NDUFS7: variants seen among roughly 807,000 people sequenced by gnomAD.
NDUFS7 encodes NADH dehydrogenase [ubiquinone] iron-sulfur protein 7, mitochondrial.
A neutral mutation model predicts 31.1 loss-of-function variants in NDUFS7; 11 were observed. The observed-to-expected ratio is 0.35, with a 90% CI of 0.22 to 0.59. The LOEUF is 0.59. NDUFS7 is among the 20% of genes least tolerant of loss of function. NDUFS7 has a pLI of 0.79. For missense variants in NDUFS7, 263 were observed against 324.2 expected (o/e 0.81, Z 1.45); for synonymous variants, 136 against 127.9 (o/e 1.06, Z -0.43).
intron 4 of NDUFS7, chr19:1,389,208 T>C (rs761898856): frequency 4.7e-5 from 32 of 682,254 alleles, no homozygotes; most frequent in South Asian, 2.4e-4. Context: ...CACACACGCT[T>C]GCACACATAC....
At chr19:1,386,210 C>T (rs2082506453) in intron 1 of NDUFS7, among the ~76,000 whole-genome samples, 2 of 152,210 alleles carry the variant, frequency 1.3e-5, no homozygotes, top group South Asian at 4.1e-4. Context: ...GGAGGCTGCC[C>T]ACAGCCTCTC....
chr19:1,384,504 T>G (rs1026725967), intron 1 of NDUFS7, among the ~76,000 whole-genome samples: 1 of 152,216 alleles, frequency 6.6e-6, no homozygotes, highest in Non-Finnish European at 1.5e-5. Context: ...TCAGATAAAG[T>G]TATTAAATGC....
Position 1,393,137 on chromosome 19 carries a change from G to A in NDUFS7, c.456-105G>A. 1 of 864,146 alleles carries A rather than the reference G, an allele frequency of 1.2e-6. No individual in the cohort carries two copies. Among genetic ancestry groups the A allele is most frequent in the Non-Finnish European group, 1.9e-6 (1 of 536,304 alleles). The allele number at this position is 864,146 out of a possible 1,614,324, so 53.5% of individuals were successfully genotyped here. A position where few individuals can be genotyped will look rare whatever the true frequency, so the allele number is the denominator to read the frequency against. ...CGTGACAAGTTCCAGCCTCGTAGGT[G>A]CCTGGCCTGCAGTTGAAGGCGGGTG... On this transcript the variant is annotated intron_variant, in intron 6 of 7. Transcript: ENST00000233627. This position sits in a 1 kb window ranked among gnomAD's most constrained non-coding sequence, Gnocchi z 7.3.
At position 1,388,020 on chromosome 19, in the gene NDUFS7, C is replaced by G. The variant is rs2082521404; in HGVS notation, c.53+173C>G. Reference sequence around the variant, plus strand: ...TGCCCGTGATGTGCCGGGACCCTCCCTGGGACAGTCCACGCAGTGGCAAAG... The same window carrying G: ...TGCCCGTGATGTGCCGGGACCCTCCGTGGGACAGTCCACGCAGTGGCAAAG... On this transcript the variant is annotated intron_variant, in intron 2 of 7. Transcript: ENST00000233627. The G allele has an allele frequency of 8.5e-6, 6 of 706,860 alleles. No homozygotes were observed. The South Asian group carries it at 9.9e-5, about 12-fold the overall frequency. The allele number at this position is 706,860 out of a possible 1,614,324, so 43.8% of individuals were successfully genotyped here.
chr19:1,389,223 A>T (rs1168791803), intron 4 of NDUFS7: 2 of 670,000 alleles, frequency 3.0e-6, no homozygotes, highest in Non-Finnish European at 5.5e-6. Context: ...ACATACACAC[A>T]TGCACACTTG....
Position 1,387,907 on chromosome 19 carries a change from G to A in NDUFS7, c.53+60G>A, listed in dbSNP as rs1442772637. The A allele has an allele frequency of 8.9e-6, 4 of 447,652 alleles. No individual in the cohort carries two copies. The East Asian group carries it at 1.7e-4, about 19-fold the overall frequency. 27.7% of individuals were successfully genotyped at this position (447,652 alleles called of 1,614,324 possible). On this transcript the variant is annotated intron_variant, in intron 2 of 7. Transcript: ENST00000233627. ...GGGCCTTCAGCAGCGACAGACGAAC[G>A]GGGCGGGGGGGGTGGGGGGTGGGGG... is the stretch of plus-strand genomic sequence containing the variant.
rs1469867858 is a variant in NDUFS7, at chr19:1,394,445, C to T, written c.545-946C>T. Reference sequence around the variant, plus strand: ...TGAGCTCCTCCCTCCCTGGGGACCGCGCTCCTCCCTCCCTGCGGACTGTGC... The same window carrying T: ...TGAGCTCCTCCCTCCCTGGGGACCGTGCTCCTCCCTCCCTGCGGACTGTGC... On this transcript the variant is annotated intron_variant, in intron 7 of 7. Coordinates refer to ENST00000233627, the MANE Select transcript of NDUFS7 (RefSeq NM_024407.5). 13 of 1,274,774 alleles carry T rather than the reference C, an allele frequency of 1.0e-5. No individual in the cohort carries two copies. In the East Asian group the frequency reaches 1.7e-4, roughly 17 times the overall value. 79.0% of individuals were successfully genotyped at this position (1,274,774 alleles called of 1,614,324 possible). A position where few individuals can be genotyped will look rare whatever the true frequency, so the allele number is the denominator to read the frequency against.
At chr19:1,385,396 C>A (rs1335849053) in intron 1 of NDUFS7, among the ~76,000 whole-genome samples, 1 of 151,714 alleles carries the variant, frequency 6.6e-6, no homozygotes, top group African/African-American at 2.4e-5. Flanking sequence ...TGCCTGTAAT[C>A]GCAGCTACTG....
intron 7 of NDUFS7, chr19:1,394,794 C>A (rs1229459329): frequency 8.5e-7 from 1 of 1,176,660 alleles, no homozygotes; most frequent in African/African-American, 1.6e-5. Flanking sequence ...GTGGCCTTGT[C>A]CTTTCTCACC....
intron 4 of NDUFS7, 120 bp from the exon 5 acceptor site, chr19:1,390,751 A>G: frequency 1.7e-6 from 2 of 1,177,810 alleles, no homozygotes; most frequent in Non-Finnish European, 2.4e-6. Flanking sequence ...TGTGCCTCTC[A>G]CCTCTGCCGG....
rs1350428435 is a variant in NDUFS7, at chr19:1,390,986, G to A, written c.344G>A (p.Arg115His). Residue 115 changes from arginine (R) to histidine (H), a missense_variant, in exon 5 of 8, where the codon CGC becomes CAC. By Grantham distance (29) the Arg-to-His change is conservative. Coordinates refer to ENST00000233627, the MANE Select transcript of NDUFS7 (RefSeq NM_024407.5). ...RFGVVFRASP[R>H]QSDVMIVAGT... ...GGCGTGGTCTTCCGCGCCAGCCCGC[G>A]CCAGTCCGACGTCATGATCGTGGCC... 10 of 1,612,996 alleles carry A rather than the reference G, an allele frequency of 6.2e-6. No individual in the cohort carries two copies. The highest frequency in any genetic ancestry group is 5.9e-6 in the Non-Finnish European group (7 of 1,179,900).
Position 1,393,943 on chromosome 19 carries a change from C to T in NDUFS7, c.544+613C>T. ...TTATATCTGGTGATCCCGTGGGACTCTTGCACCTCACGTGGTCCCACGAGG... is the reference window on the plus strand; with the variant it reads ...TTATATCTGGTGATCCCGTGGGACTTTTGCACCTCACGTGGTCCCACGAGG... On this transcript the variant is annotated intron_variant, in intron 7 of 7. Transcript: ENST00000233627. This position sits in a 1 kb window ranked among gnomAD's most constrained non-coding sequence, Gnocchi z 7.3. The T allele has an allele frequency of 4.1e-6, 1 of 241,714 alleles. No individual in the cohort carries two copies. Among genetic ancestry groups the T allele is most frequent in the Non-Finnish European group, 8.2e-6 (1 of 121,302 alleles). 15.0% of individuals were successfully genotyped at this position (241,714 alleles called of 1,614,324 possible).
rs573586959 is a variant in NDUFS7, at chr19:1,395,504, C to T, written c.*16C>T. On this transcript the variant is annotated 3_prime_UTR_variant, in exon 8 of 8. Transcript: ENST00000233627. ...CCGCAGGTAGCGCCGCCGCCGCCGC[C>T]GCCGGAGCCTGTCGCCGTCCTGTCC... 205 of 1,563,156 alleles carry T rather than the reference C, an allele frequency of 1.3e-4. No individual in the cohort carries two copies. In the African/African-American group the frequency reaches 2.2e-3, roughly 17 times the overall value.
chr19:1,393,846 A>G lies in NDUFS7; in HGVS notation c.544+516A>G. Reference sequence around the variant, plus strand: ...TTTAGTACGAGTATATCCCAACAATATTTGGGCTATACTGACACTAAAAAG... The same window carrying G: ...TTTAGTACGAGTATATCCCAACAATGTTTGGGCTATACTGACACTAAAAAG... On this transcript the variant is annotated intron_variant, in intron 7 of 7. Coordinates refer to ENST00000233627, the MANE Select transcript of NDUFS7 (RefSeq NM_024407.5). This position sits in a 1 kb window ranked among gnomAD's most constrained non-coding sequence, Gnocchi z 7.3. The G allele has an allele frequency of 3.6e-6, 1 of 280,814 alleles. No individual in the cohort carries two copies. Among genetic ancestry groups the G allele is most frequent in the Non-Finnish European group, 6.9e-6 (1 of 144,938 alleles). 17.4% of individuals were successfully genotyped at this position (280,814 alleles called of 1,614,324 possible).
chr19:1,388,108 C>G (rs1484051025), intron 2 of NDUFS7: 12 of 604,796 alleles, frequency 2.0e-5, no homozygotes, highest in Non-Finnish European at 3.3e-5. Flanking sequence ...TCACCGCCAC[C>G]TGGGGTGGGA....
At chr19:1,389,256 C>T (rs750075060) in intron 4 of NDUFS7, 5 of 645,316 alleles carry the variant, frequency 7.7e-6, no homozygotes, top group South Asian at 7.6e-5. Context: ...CTCATGCGCA[C>T]ATATACACAT....
intron 7 of NDUFS7, chr19:1,394,445 CGCTCCTCCCTCCCTGCGGACTGT>C: frequency 7.8e-7 from 1 of 1,274,878 alleles, no homozygotes; most frequent in Non-Finnish European, 1.0e-6. Context: ...CTGGGGACCG[CGCTCCTCCCTCCCTGCGGACTGT>C]GCTCCCTGTC....
intron 1 of NDUFS7, among the ~76,000 whole-genome samples, chr19:1,385,368 G>T (rs1042750607): frequency 1.3e-5 from 2 of 150,216 alleles, no homozygotes; most frequent in African/African-American, 4.9e-5. Context: ...TACAAAATCA[G>T]CTGGGTGTGG....
chr19:1,385,027 G>A (rs541346748), intron 1 of NDUFS7, among the ~76,000 whole-genome samples: 17 of 152,210 alleles, frequency 1.1e-4, no homozygotes, highest in Non-Finnish European at 1.6e-4. Context: ...TGTTGCCCAG[G>A]CTGGTCTCGA....
Sources: gnomAD v4.1 joint callset for allele counts (sites outside exome capture counted in the v4.1 genomes callset) on GRCh38, gnomAD v4.1.1 for gene constraint, Gnocchi (gnomAD v3.1) non-coding constraint, MANE v1.5 for transcripts, NCBI Gene and HGNC (gene_info 2026-07-23, HGNC 2026-07-21) for gene names.